DMD: variants seen among roughly 807,000 people sequenced by gnomAD.
The protein encoded by DMD is dystrophin.
In DMD, 63 loss-of-function variants were observed where a neutral mutation model predicts 330.1. That is an observed-to-expected ratio of 0.19 (90% CI 0.16 to 0.24). DMD has a LOEUF of 0.24. DMD is among the 10% of genes least tolerant of loss of function. The probability of loss-of-function intolerance (pLI) is 1.00; values close to 1 mark genes in which losing one functional copy is unlikely to be tolerated. For missense variants in DMD, 3,344 were observed against 2,684.1 expected (o/e 1.25, Z -5.43); for synonymous variants, 1,223 against 959.8 (o/e 1.27, Z -5.07).
intron 7 of DMD, 139 bp downstream of exon 7, chrX:32,809,354 C>A: frequency 1.9e-6 from 1 of 525,563 alleles, no homozygotes. Flanking sequence ...TGCAAGAAGG[C>A]TGAACATTTT....
chrX:33,305,705 C>T (rs959377604), intron 1 of DMD, among the ~76,000 whole-genome samples: 5 of 110,019 alleles, frequency 4.5e-5, no homozygotes, highest in African/African-American at 1.7e-4. Flanking sequence ...AACATATATT[C>T]AAGAGTATTC....
intron 12 of DMD, among the ~76,000 whole-genome samples, chrX:32,609,965 A>C (rs901083947): frequency 2.7e-5 from 3 of 110,906 alleles, no homozygotes; most frequent in Non-Finnish European, 5.7e-5. Context: ...AAAAGATTTC[A>C]CTGTTAAATA....
chrX:32,178,464 C>A (rs953240794), intron 44 of DMD, among the ~76,000 whole-genome samples: 1 of 109,872 alleles, frequency 9.1e-6, no homozygotes, highest in African/African-American at 3.3e-5. Flanking sequence ...CCATTTTTCA[C>A]TCTGTGGCAA....
chrX:31,130,423 A>G (rs1001012409), intron 77 of DMD, among the ~76,000 whole-genome samples: 2 of 112,013 alleles, frequency 1.8e-5, no homozygotes, highest in Admixed American at 1.9e-4. Flanking sequence ...GACAGATTAG[A>G]TAGAAATTGG....
At chrX:32,241,269 G>A (rs1489300735) in intron 43 of DMD, among the ~76,000 whole-genome samples, 4 of 112,080 alleles carry the variant, frequency 3.6e-5, no homozygotes. Context: ...GTGGTCTCCA[G>A]CCACCCCTTT....
intron 5 of DMD, among the ~76,000 whole-genome samples, chrX:32,821,657 T>G (rs987096790): frequency 9.0e-6 from 1 of 111,032 alleles, no homozygotes; most frequent in African/African-American, 3.3e-5. Context: ...AGCCATGATA[T>G]CTGCTACAAT....
chrX:32,779,001 C>T (rs2074445063), intron 7 of DMD, among the ~76,000 whole-genome samples: 2 of 111,346 alleles, frequency 1.8e-5, no homozygotes, highest in Non-Finnish European at 3.8e-5. Flanking sequence ...ATTGAGTATC[C>T]AGATTTCACT....
intron 45 of DMD, among the ~76,000 whole-genome samples, chrX:31,963,553 T>C (rs571009690): frequency 4.2e-4 from 47 of 110,954 alleles, no homozygotes; most frequent in Middle Eastern, 4.6e-3. Flanking sequence ...ACACATTCCA[T>C]TGAGAAGGGG....
At position 32,454,768 on chromosome X, in the gene DMD, A is replaced by G; in HGVS notation, c.3497T>C (p.Leu1166Pro). ...LEKTVSLQKD[L>P]SEMHEWMTQA... ...TGTCATCCATTCGTGCATCTCTGAT[A>G]GATCTTTCTGGAGGCTTACAGTTTT... The change falls in exon 26 of 79, where the codon CTA becomes CCA. Residue 1166 changes from leucine (L) to proline (P), a missense_variant. Coordinates refer to ENST00000357033, the MANE Select transcript of DMD (RefSeq NM_004006.3). 1 of 1,206,835 alleles carries G rather than the reference A, an allele frequency of 8.3e-7. No individual in the cohort carries two copies. Among genetic ancestry groups the G allele is most frequent in the South Asian group, 1.8e-5 (1 of 56,822 alleles).
chrX:32,099,925 T>C (rs1356639352), intron 44 of DMD, among the ~76,000 whole-genome samples: 1 of 110,009 alleles, frequency 9.1e-6, no homozygotes, highest in Non-Finnish European at 1.9e-5. Context: ...TACCATGATG[T>C]GTCTTTTTCC....
At chrX:31,489,871 C>A (rs2069121217) in intron 57 of DMD, among the ~76,000 whole-genome samples, 1 of 111,933 alleles carries the variant, frequency 8.9e-6, no homozygotes, top group Admixed American at 9.4e-5. Flanking sequence ...GTCAGGACAT[C>A]AAAATATTTT....
At chrX:33,038,876 C>A (rs1360503247) in intron 1 of DMD, among the ~76,000 whole-genome samples, 2 of 110,794 alleles carry the variant, frequency 1.8e-5, no homozygotes, top group Admixed American at 1.9e-4. Context: ...CACCTGTAAT[C>A]CCAGCTACTC....
At position 32,955,772 on chromosome X, in the gene DMD, C is replaced by T. The variant is rs180777828; in HGVS notation, c.93+64367G>A. On this transcript the variant is annotated intron_variant, in intron 2 of 78. Transcript: ENST00000357033. ...TCTGCATGTGGCTAGCCAGTTATCCCAGCACCACTTATTGAATAGGTAGTC... is the reference window on the plus strand; with the variant it reads ...TCTGCATGTGGCTAGCCAGTTATCCTAGCACCACTTATTGAATAGGTAGTC... Among the ~76,000 whole-genome samples the T allele has an allele frequency of 2.7e-5, 3 of 111,894 alleles. No individual in the cohort carries two copies. In the East Asian group the frequency reaches 8.5e-4, roughly 32 times the overall value.
chrX:31,515,291 T>C (rs1325166063), intron 55 of DMD, among the ~76,000 whole-genome samples: 4 of 111,740 alleles, frequency 3.6e-5, no homozygotes, highest in Non-Finnish European at 5.6e-5. Context: ...TCCTTTCCTA[T>C]GTAAATGGAA....
At chrX:32,926,542 G>A (rs891642922) in intron 2 of DMD, among the ~76,000 whole-genome samples, 1 of 110,900 alleles carries the variant, frequency 9.0e-6, no homozygotes, top group African/African-American at 3.3e-5. Flanking sequence ...CTGAGCTCAG[G>A]AGTTCCTGAC....
At chrX:32,766,943 G>A (rs1456285107) in intron 7 of DMD, among the ~76,000 whole-genome samples, 1 of 111,205 alleles carries the variant, frequency 9.0e-6, no homozygotes, top group Non-Finnish European at 1.9e-5. Context: ...TTCTCTTAAA[G>A]TCTTTAATGC....
intron 7 of DMD, among the ~76,000 whole-genome samples, chrX:32,735,083 C>A (rs749095219): frequency 9.1e-6 from 1 of 110,212 alleles, no homozygotes; most frequent in Non-Finnish European, 1.9e-5. Flanking sequence ...GATACAAAAT[C>A]AATGTACAAA....
chrX:31,997,041 T>C (rs1166933533), intron 44 of DMD, among the ~76,000 whole-genome samples: 1 of 111,429 alleles, frequency 9.0e-6, no homozygotes, highest in Non-Finnish European at 1.9e-5. Context: ...TTTTTGCCCA[T>C]ATAATGATCC....
chrX:32,653,526 C>T (rs758030051), intron 9 of DMD, among the ~76,000 whole-genome samples: 112 of 111,494 alleles, frequency 1.0e-3, no homozygotes, highest in African/African-American at 3.3e-3. Flanking sequence ...TATCTCTATT[C>T]TGATACCAGT....
Sources: gnomAD v4.1 joint callset for allele counts (sites outside exome capture counted in the v4.1 genomes callset) on GRCh38, gnomAD v4.1.1 for gene constraint, MANE v1.5 for transcripts, NCBI Gene and HGNC (gene_info 2026-07-23, HGNC 2026-07-21) for gene names.